NRXN1: variants seen among roughly 807,000 people sequenced by gnomAD.
NRXN1 encodes the protein neurexin 1, also known as neurexin-1.
NRXN1 carries 39 observed loss-of-function variants against 150.9 expected under a neutral mutation model. The observed-to-expected ratio is 0.26, with a 90% CI of 0.20 to 0.34. The LOEUF (loss-of-function observed/expected upper bound fraction) is 0.34, where lower values mean the gene tolerates loss of function less well. NRXN1 is among the 10% of genes least tolerant of loss of function. The pLI is 1.00. For missense variants in NRXN1, 1,815 were observed against 1,949.9 expected (o/e 0.93, Z 1.30); for synonymous variants, 924 against 757.0 (o/e 1.22, Z -3.62).
intron 5 of NRXN1, among the ~76,000 whole-genome samples, chr2:50,803,389 A>T (rs1707879154): frequency 6.6e-6 from 1 of 152,180 alleles, no homozygotes; most frequent in South Asian, 2.1e-4. Flanking sequence ...TGATCAACTG[A>T]GTCATAAATC....
intron 17 of NRXN1, among the ~76,000 whole-genome samples, chr2:50,421,894 G>A (rs900290549): frequency 6.6e-6 from 1 of 152,058 alleles, no homozygotes; most frequent in Non-Finnish European, 1.5e-5. Flanking sequence ...ACAAGTCTGT[G>A]ACCATTGATT....
Position 50,623,525 on chromosome 2 carries a change from A to G in NRXN1, c.923T>C (p.Ile308Thr). Reference sequence around the variant, plus strand: ...CTGAAGGGTTTTAAATGACAGAGTTATTTCATCACTGCTGCTTTGAATGGG... The same window carrying G: ...CTGAAGGGTTTTAAATGACAGAGTTGTTTCATCACTGCTGCTTTGAATGGG... Reference protein sequence around the residue: ...QNPIQSSSDEITLSFKTLQRN... With the variant: ...QNPIQSSSDETTLSFKTLQRN... Residue 308 changes from isoleucine (I) to threonine (T), a missense_variant, in exon 6 of 23, where the codon ATA (isoleucine) becomes ACA (threonine). Physicochemically the swap from Ile to Thr is moderately conservative, Grantham distance 89. This residue lies in a region of NRXN1 where 554 missense variants were observed against 478.8 expected (regional missense o/e 1.16). Transcript: ENST00000401669. 1 of 1,613,322 alleles carries G rather than the reference A, an allele frequency of 6.2e-7. No individual in the cohort carries two copies.
intron 17 of NRXN1, among the ~76,000 whole-genome samples, chr2:50,462,715 A>T (rs2088362530): frequency 6.6e-6 from 1 of 151,878 alleles, no homozygotes; most frequent in Non-Finnish European, 1.5e-5. Flanking sequence ...CATCATTTTG[A>T]ATAGCACTTC....
chr2:50,753,080 A>G (rs1380733163), intron 5 of NRXN1, among the ~76,000 whole-genome samples: 2 of 151,950 alleles, frequency 1.3e-5, no homozygotes, highest in Non-Finnish European at 2.9e-5. Flanking sequence ...TAAAAGCTGC[A>G]TTATTTAATC....
At chr2:50,805,434 C>A (rs1216826697) in intron 5 of NRXN1, among the ~76,000 whole-genome samples, 5 of 152,090 alleles carry the variant, frequency 3.3e-5, no homozygotes. Flanking sequence ...GTGGGCAGAT[C>A]ACTTGAGGCC....
chr2:50,504,510 G>T (rs1258194643), intron 13 of NRXN1, among the ~76,000 whole-genome samples: 3 of 152,030 alleles, frequency 2.0e-5, no homozygotes, highest in African/African-American at 7.2e-5. Flanking sequence ...GGTATTCTTT[G>T]TATTATTTTT....
chr2:50,650,025 T>A (rs548028907), intron 5 of NRXN1, among the ~76,000 whole-genome samples: 1 of 152,166 alleles, frequency 6.6e-6, no homozygotes, highest in African/African-American at 2.4e-5. Context: ...TCTGTCTCCC[T>A]ATTTTACCAA....
intron 17 of NRXN1, among the ~76,000 whole-genome samples, chr2:50,312,096 T>A (rs2075233454): frequency 6.6e-6 from 1 of 152,132 alleles, no homozygotes; most frequent in Non-Finnish European, 1.5e-5. Context: ...ATCTGTAAAT[T>A]TGACACAATG....
chr2:50,904,215 A>C (rs1683346944), intron 5 of NRXN1, among the ~76,000 whole-genome samples: 1 of 152,126 alleles, frequency 6.6e-6, no homozygotes, highest in South Asian at 2.1e-4. Context: ...GAAATACATG[A>C]GACAAGTTAG....
intron 18 of NRXN1, among the ~76,000 whole-genome samples, chr2:50,205,658 C>G (rs1313188167): frequency 6.6e-6 from 1 of 151,964 alleles, no homozygotes; most frequent in African/African-American, 2.4e-5. Context: ...TACATGATTG[C>G]TTATAATAGC....
At chr2:50,512,288 T>C (rs1406408403) in intron 12 of NRXN1, among the ~76,000 whole-genome samples, 2 of 152,298 alleles carry the variant, frequency 1.3e-5, no homozygotes, top group Non-Finnish European at 2.9e-5. Context: ...AAAGAGGCTC[T>C]TCTACCCAAG....
chr2:50,055,035 T>C lies in NRXN1; in HGVS notation c.3728A>G (p.Asp1243Gly). The part of the protein sequence containing the change: ...VIERYPAGNN[D>G]NERLAIARQR... ...TCTAGCAATCGCCAGGCGCTCGTTA[T>C]CATTGTTTCCTTTAAAGTTTAAAGA... Residue 1243 changes from aspartate (D) to glycine (G), a missense_variant, in exon 20 of 23, where the codon GAT becomes GGT. Physicochemically the swap from Asp to Gly is moderately conservative, Grantham distance 94. Coordinates refer to ENST00000401669, the MANE Select transcript of NRXN1 (RefSeq NM_001330078.2). The C allele has an allele frequency of 6.3e-7, 1 of 1,597,640 alleles. No individual in the cohort carries two copies. The highest frequency in any genetic ancestry group is 1.3e-5 in the African/African-American group (1 of 74,436).
chr2:50,154,870 G>GA (rs1004982933), intron 18 of NRXN1, among the ~76,000 whole-genome samples: 1 of 150,586 alleles, frequency 6.6e-6, no homozygotes, highest in Non-Finnish European at 1.5e-5. Flanking sequence ...TAAGCATTAA[G>GA]AAAAAAAAGC....
At chr2:50,725,222 T>A (rs2105154815) in intron 5 of NRXN1, among the ~76,000 whole-genome samples, 1 of 152,068 alleles carries the variant, frequency 6.6e-6, no homozygotes, top group African/African-American at 2.4e-5. Flanking sequence ...TTTTTTAACC[T>A]ATTAAATGTG....
At chr2:49,938,106 T>G (rs1200716500) in intron 22 of NRXN1, among the ~76,000 whole-genome samples, 1 of 152,186 alleles carries the variant, frequency 6.6e-6, no homozygotes, top group Non-Finnish European at 1.5e-5. Flanking sequence ...TTAAATGAAC[T>G]TTTGAAAAAT....
chr2:50,910,324 A>C (rs1026612347), intron 5 of NRXN1, among the ~76,000 whole-genome samples: 1 of 152,012 alleles, frequency 6.6e-6, no homozygotes, highest in Admixed American at 6.6e-5. Context: ...ACTATTCACT[A>C]GAAATACATT....
At chr2:51,002,237 T>C (rs1700165708) in intron 2 of NRXN1, among the ~76,000 whole-genome samples, 1 of 151,954 alleles carries the variant, frequency 6.6e-6, no homozygotes, top group African/African-American at 2.4e-5. Context: ...GAACCCAGAA[T>C]GGGTGAGGGA....
chr2:50,661,072 T>C (rs921233260), intron 5 of NRXN1, among the ~76,000 whole-genome samples: 2 of 87,540 alleles, frequency 2.3e-5, no homozygotes, highest in African/African-American at 5.2e-5. Flanking sequence ...AAGTGGTTAG[T>C]GTTCATTCTT....
At chr2:50,603,316 G>C (rs1034452277) in intron 8 of NRXN1, among the ~76,000 whole-genome samples, 1 of 152,166 alleles carries the variant, frequency 6.6e-6, no homozygotes, top group Non-Finnish European at 1.5e-5. Flanking sequence ...TGAGAATGCT[G>C]AGCTCTAGCA....
Sources: allele counts gnomAD v4.1 joint callset (sites outside exome capture counted in the v4.1 genomes callset), GRCh38; gene constraint gnomAD v4.1.1; regional missense constraint gnomAD v4.1.1; transcripts MANE v1.5; gene names NCBI Gene and HGNC (gene_info 2026-07-23, HGNC 2026-07-21).